Variants in GOSR2 observed in about 807,000 individuals in gnomAD.
GOSR2 encodes the protein 27 kDa Golgi SNARE protein.
GOSR2 carries 20 observed loss-of-function variants against 27.9 expected under a neutral mutation model. That is an observed-to-expected ratio of 0.72 (90% CI 0.50 to 1.04). The LOEUF (loss-of-function observed/expected upper bound fraction) is 1.04. Ranked by LOEUF, GOSR2 falls within the 50% of genes least tolerant of loss-of-function variation. The probability of loss-of-function intolerance (pLI) is 0.00; values close to 1 mark genes in which losing one functional copy is unlikely to be tolerated. For synonymous variants in GOSR2, 91 were observed against 98.8 expected, an observed-to-expected ratio of 0.92 and a Z score of 0.47; for missense variants, 261 against 270.5, an observed-to-expected ratio of 0.97 and a Z score of 0.25.
rs983354549 is a variant in GOSR2, at chr17:46,936,314, A to G, written c.477+1145A>G. On this transcript the variant is annotated intron_variant, in intron 5 of 5. Transcript: ENST00000640051. Reference sequence around the variant, plus strand: ...CTCCATGTCACACTGATGAAGAGCCAGTGGGGGTTAGAGCGTCCTGTTAAG... The same window carrying G: ...CTCCATGTCACACTGATGAAGAGCCGGTGGGGGTTAGAGCGTCCTGTTAAG... The G allele has an allele frequency of 6.1e-6, 6 of 985,278 alleles. No homozygotes were observed. In the African/African-American group the frequency reaches 1.0e-4, roughly 17 times the overall value. The allele number at this position is 985,278 out of a possible 1,614,324, so 61.0% of individuals were successfully genotyped here.
chr17:46,932,447 A>G (rs1598992688), intron 4 of GOSR2: 1 of 601,704 alleles, frequency 1.7e-6, no homozygotes, highest in East Asian at 2.7e-5. Context: ...GGTGAAAATT[A>G]CCTGGTTGGG....
Position 46,939,131 on chromosome 17 carries a change from C to A in GOSR2, c.*371C>A. On this transcript the variant is annotated 3_prime_UTR_variant, in exon 6 of 6. Transcript: ENST00000640051. ...GCAGGACTGTCCACACGGTTCACAC[C>A]TTGTCACCATCAGGCCTTTCTGGCT... 8.7e-7 allele frequency: 1 copy of A among 1,145,414 alleles called. No individual in the cohort carries two copies. Among genetic ancestry groups the A allele is most frequent in the Non-Finnish European group, 1.1e-6 (1 of 919,288 alleles). The allele number at this position is 1,145,414 out of a possible 1,614,324, so 71.0% of individuals were successfully genotyped here.
chr17:46,947,472 C>A (rs1349275986), intron 6 of GOSR2, among the ~76,000 whole-genome samples: 1 of 152,184 alleles, frequency 6.6e-6, no homozygotes, highest in Non-Finnish European at 1.5e-5. Flanking sequence ...TGCTGAGATA[C>A]TGATGAGAGC....
chr17:46,969,119 G>A (rs1211101861), downstream of GOSR2, among the ~76,000 whole-genome samples: 1 of 152,202 alleles, frequency 6.6e-6, no homozygotes, highest in South Asian at 2.1e-4. Context: ...AGCGGAAGCC[G>A]ATCTCGCTCT....
At position 46,941,519 on chromosome 17, in the gene GOSR2, C is replaced by T; in HGVS notation, c.*2759C>T. ...GGGAAGCTTTTTAAAATTACATATTCCTGGGGCCTACCCCAGATCTGAATT... is the reference window on the plus strand; with the variant it reads ...GGGAAGCTTTTTAAAATTACATATTTCTGGGGCCTACCCCAGATCTGAATT... On this transcript the variant is annotated 3_prime_UTR_variant, in exon 6 of 6. Coordinates refer to ENST00000640051, the MANE Select transcript of GOSR2 (RefSeq NM_004287.5). 1 of 508,264 alleles carries T rather than the reference C, an allele frequency of 2.0e-6. No individual in the cohort carries two copies. The highest frequency in any genetic ancestry group is 2.1e-5 in the African/African-American group (1 of 48,330). The allele number at this position is 508,264 out of a possible 1,614,324, so 31.5% of individuals were successfully genotyped here. A position where few individuals can be genotyped will look rare whatever the true frequency, so the allele number is the denominator to read the frequency against.
intron 6 of GOSR2, among the ~76,000 whole-genome samples, chr17:46,955,074 G>A (rs1479107872): frequency 2.0e-5 from 3 of 151,974 alleles, no homozygotes; most frequent in African/African-American, 4.8e-5. Flanking sequence ...TGGTGAGAGC[G>A]GGCATCCCTG....
chr17:46,947,017 C>G (rs1350134395), downstream of GOSR2, among the ~76,000 whole-genome samples: 5 of 152,152 alleles, frequency 3.3e-5, no homozygotes, highest in African/African-American at 1.2e-4. Context: ...GGGCCAGATT[C>G]ACAGGGGAGC....
At chr17:46,970,582 C>T (rs939023492), downstream of GOSR2, among the ~76,000 whole-genome samples, 4 of 149,524 alleles carry the variant, frequency 2.7e-5, no homozygotes, top group Non-Finnish European at 4.4e-5. Context: ...AGAGGAGAGA[C>T]GCTGCAACAT....
At chr17:46,942,993 G>A (rs773729349), downstream of GOSR2, among the ~76,000 whole-genome samples, 7 of 152,106 alleles carry the variant, frequency 4.6e-5, no homozygotes, top group East Asian at 1.9e-4. Context: ...GAATTCCCTC[G>A]GGAGCTTTAA....
Position 46,951,294 on chromosome 17 carries a change from T to C in GOSR2, c.583+12590T>C, listed in dbSNP as rs942681033. Among the ~76,000 whole-genome samples the C allele has an allele frequency of 3.4e-4, 52 of 152,070 alleles. 1 individual carries two copies. The highest frequency in any genetic ancestry group is 1.2e-3 in the African/African-American group (50 of 41,390). Reference sequence around the variant, plus strand: ...GTGAAGTCTGGTAGGGGTGGCACTCTCCCCACAGGTTACCCATTGGACCAG... The same window carrying C: ...GTGAAGTCTGGTAGGGGTGGCACTCCCCCCACAGGTTACCCATTGGACCAG... On this transcript the variant is annotated intron_variant, in intron 6 of 6. Coordinates refer to the GOSR2 transcript ENST00000573224.
Position 46,941,623 on chromosome 17 carries a change from G to A in GOSR2, c.*2863G>A, listed in dbSNP as rs1000319845. 3 of 182,864 alleles carry A rather than the reference G, an allele frequency of 1.6e-5. No individual in the cohort carries two copies. The highest frequency in any genetic ancestry group is 3.1e-5 in the Non-Finnish European group (3 of 96,228). The allele number at this position is 182,864 out of a possible 1,614,324, so 11.3% of individuals were successfully genotyped here. A position where few individuals can be genotyped will look rare whatever the true frequency, so the allele number is the denominator to read the frequency against. ...CAGTCTCGCTCTGTCACCCAGGCTG[G>A]AGTGCAGTGGCGCAATCTTGGCTCA... On this transcript the variant is annotated 3_prime_UTR_variant, in exon 6 of 6. Transcript: ENST00000640051.
At chr17:46,946,354 G>A (rs562611833), downstream of GOSR2, among the ~76,000 whole-genome samples, 45 of 151,414 alleles carry the variant, frequency 3.0e-4, no homozygotes, top group Non-Finnish European at 4.0e-4. Flanking sequence ...CCAGCTGCTC[G>A]GGAGGCTGAG....
At chr17:46,942,555 A>G (rs1267700501), downstream of GOSR2, among the ~76,000 whole-genome samples, 2 of 152,176 alleles carry the variant, frequency 1.3e-5, no homozygotes, top group Non-Finnish European at 2.9e-5. Flanking sequence ...GGGGACTGAG[A>G]TGGTGCAGCC....
At chr17:46,964,482 C>A (rs573943477) in intron 6 of GOSR2, 36 of 152,506 alleles carry the variant, frequency 2.4e-4, no homozygotes, top group African/African-American at 8.7e-4. Flanking sequence ...GCCAAGTGTT[C>A]AGCACCACGG....
downstream of GOSR2, chr17:46,968,716 A>G (rs1012210047): frequency 1.3e-5 from 2 of 152,518 alleles, no homozygotes; most frequent in Admixed American, 6.5e-5. Context: ...CAGCACCTCT[A>G]CAATGGCCAT....
Position 46,940,654 on chromosome 17 carries a change from C to T in GOSR2, c.*1894C>T, listed in dbSNP as rs969218389. 3.7e-6 allele frequency: 6 copies of T among 1,612,768 alleles called. No homozygotes were observed. Among genetic ancestry groups the T allele is most frequent in the Non-Finnish European group, 4.2e-6 (5 of 1,179,202 alleles). On this transcript the variant is annotated 3_prime_UTR_variant, in exon 6 of 6. Coordinates refer to ENST00000640051, the MANE Select transcript of GOSR2 (RefSeq NM_004287.5). Reference sequence around the variant, plus strand: ...ACTCTGGGAGGCAGAAGTCCCCGCACCCATCATGCGTGGACTGATAGGACA... The same window carrying T: ...ACTCTGGGAGGCAGAAGTCCCCGCATCCATCATGCGTGGACTGATAGGACA...
chr17:46,934,133 G>A (rs2087864397), intron 4 of GOSR2, among the ~76,000 whole-genome samples: 1 of 152,210 alleles, frequency 6.6e-6, no homozygotes, highest in Non-Finnish European at 1.5e-5. Flanking sequence ...AACAGGGCAG[G>A]CCCTGCGCTC....
In GOSR2 at chr17:46,935,768, G is replaced by A. The variant is rs572099939; in HGVS notation, c.477+599G>A. ...GAAGCCCTGACCAGTTGGCACTGCT[G>A]AGACTCCAGCCCCTGGGAGTGGTTT... is the stretch of plus-strand genomic sequence containing the variant. On this transcript the variant is annotated intron_variant, in intron 5 of 5. Coordinates refer to ENST00000640051, the MANE Select transcript of GOSR2 (RefSeq NM_004287.5). The A allele has an allele frequency of 1.4e-3, 1,356 of 987,052 alleles. 1 individual carries two copies. Among genetic ancestry groups the A allele is most frequent in the Middle Eastern group, 8.4e-3 (16 of 1,916 alleles). 61.1% of individuals were successfully genotyped at this position (987,052 alleles called of 1,614,324 possible). A position where few individuals can be genotyped will look rare whatever the true frequency, so the allele number is the denominator to read the frequency against.
chr17:46,934,643 A>G (rs2087971434), intron 4 of GOSR2, among the ~76,000 whole-genome samples: 1 of 152,236 alleles, frequency 6.6e-6, no homozygotes, highest in South Asian at 2.1e-4. Context: ...ACACTGCATT[A>G]AGGGGAAGCC....
Sources: gnomAD v4.1 joint callset for allele counts (sites outside exome capture counted in the v4.1 genomes callset) on GRCh38, gnomAD v4.1.1 for gene constraint, MANE v1.5 for transcripts, NCBI Gene and HGNC (gene_info 2026-07-23, HGNC 2026-07-21) for gene names.